LYPLAL1: variants seen among roughly 807,000 people sequenced by gnomAD.
The protein encoded by LYPLAL1 is lysophospholipase like 1.
LYPLAL1 carries 23 observed loss-of-function variants against 19.7 expected under a neutral mutation model. That is an observed-to-expected ratio of 1.17 (90% CI 0.84 to 1.65). The LOEUF is 1.65. Among genes scored for constraint, LYPLAL1 ranks in the 40% most tolerant of loss-of-function variants. LYPLAL1 has a pLI of 0.00. For synonymous variants in LYPLAL1, 119 were observed against 96.3 expected (o/e 1.24, Z -1.38); for missense variants, 355 against 279.4 (o/e 1.27, Z -1.93).
At chr1:219,390,815 A>G in the LYPLAL1 span, among the ~76,000 whole-genome samples, 1 of 152,084 alleles carries the variant, frequency 6.6e-6, no homozygotes, top group Non-Finnish European at 1.5e-5. Flanking sequence ...GTCTTTTGTT[A>G]TAGGGGTGGC....
the LYPLAL1 span, among the ~76,000 whole-genome samples, chr1:219,373,200 G>T: frequency 3.9e-5 from 6 of 152,204 alleles, no homozygotes; most frequent in African/African-American, 1.4e-4. Flanking sequence ...AGCAGGGGAT[G>T]TGCAGCATTT....
At chr1:219,284,888 T>C in the LYPLAL1 span, among the ~76,000 whole-genome samples, 1 of 152,204 alleles carries the variant, frequency 6.6e-6, no homozygotes, top group African/African-American at 2.4e-5. Context: ...GCAAATTGGA[T>C]TGAATCCTCT....
chr1:219,212,344 AG>A lies in LYPLAL1; in HGVS notation c.*618del, dbSNP rs1659107887. On this transcript the variant is annotated 3_prime_UTR_variant, in exon 5 of 5. Transcript: ENST00000366928. ...TTAACCCAAATTGCTGCTCTGTTTT[AG>A]GTCTCAATTTCATCTGTAAAATGAT... 6.6e-6 allele frequency: 1 copy of A among 152,058 alleles called. No individual in the cohort carries two copies. Among genetic ancestry groups the A allele is most frequent in the African/African-American group, 2.4e-5 (1 of 41,428 alleles). 9.4% of individuals were successfully genotyped at this position (152,058 alleles called of 1,614,324 possible).
At chr1:219,208,578 G>A (rs1039981458) in intron 3 of LYPLAL1, among the ~76,000 whole-genome samples, 1 of 151,944 alleles carries the variant, frequency 6.6e-6, no homozygotes, top group Non-Finnish European at 1.5e-5. Context: ...AGCGTGTAAA[G>A]TTGAAACTGA....
At chr1:219,241,807 G>A in the LYPLAL1 span, among the ~76,000 whole-genome samples, 5 of 152,190 alleles carry the variant, frequency 3.3e-5, no homozygotes, top group Non-Finnish European at 7.3e-5. Flanking sequence ...AGAGTTTGGA[G>A]ATTGATTTTT....
chr1:219,181,131 A>T (rs1419167157), intron 2 of LYPLAL1, among the ~76,000 whole-genome samples: 1 of 152,230 alleles, frequency 6.6e-6, no homozygotes, highest in East Asian at 1.9e-4. Context: ...TATTCAAAAT[A>T]TTCAACATGT....
chr1:219,272,264 T>TAGA, the LYPLAL1 span: 2 of 151,838 alleles, frequency 1.3e-5, no homozygotes, highest in African/African-American at 4.9e-5. Flanking sequence ...CCACAGAGAG[T>TAGA]AGAAGCCTTA....
the LYPLAL1 span, among the ~76,000 whole-genome samples, chr1:219,427,665 C>A: frequency 6.6e-6 from 1 of 152,178 alleles, no homozygotes; most frequent in African/African-American, 2.4e-5. Flanking sequence ...CCTCCAAGCT[C>A]TGCTTCATTC....
the LYPLAL1 span, among the ~76,000 whole-genome samples, chr1:219,292,562 T>G: frequency 6.6e-6 from 1 of 152,136 alleles, no homozygotes; most frequent in Admixed American, 6.5e-5. Context: ...AACCTAAAAC[T>G]AGGACTGAAA....
the LYPLAL1 span, among the ~76,000 whole-genome samples, chr1:219,372,823 G>A: frequency 6.6e-6 from 1 of 152,084 alleles, no homozygotes; most frequent in Non-Finnish European, 1.5e-5. Context: ...AGGATCACCT[G>A]AGCCTGGGAG....
At chr1:219,302,043 C>T in the LYPLAL1 span, among the ~76,000 whole-genome samples, 2 of 152,058 alleles carry the variant, frequency 1.3e-5, no homozygotes, top group African/African-American at 4.8e-5. Context: ...ACTTCTGGAA[C>T]AAGCAAAAAG....
chr1:219,239,266 A>C, the LYPLAL1 span, among the ~76,000 whole-genome samples: 2 of 152,240 alleles, frequency 1.3e-5, no homozygotes, highest in Non-Finnish European at 2.9e-5. Flanking sequence ...TATCTGAACA[A>C]AGCCCAGATG....
the LYPLAL1 span, among the ~76,000 whole-genome samples, chr1:219,405,145 G>A: frequency 1.3e-5 from 2 of 152,296 alleles, no homozygotes; most frequent in African/African-American, 4.8e-5. Flanking sequence ...AAGTGTCATT[G>A]TACACATTTT....
chr1:219,406,398 A>G, the LYPLAL1 span, among the ~76,000 whole-genome samples: 2 of 152,326 alleles, frequency 1.3e-5, no homozygotes, highest in Admixed American at 1.3e-4. Flanking sequence ...ACTGAAGTCA[A>G]AGAACCTCAC....
At chr1:219,355,422 G>C in the LYPLAL1 span, among the ~76,000 whole-genome samples, 1 of 151,992 alleles carries the variant, frequency 6.6e-6, no homozygotes, top group African/African-American at 2.4e-5. Flanking sequence ...AAGAGATAAA[G>C]TAAATAAACA....
chr1:219,291,369 G>A, the LYPLAL1 span, among the ~76,000 whole-genome samples: 1,151 of 152,200 alleles, frequency 7.6e-3, 4 homozygotes, highest in South Asian at 0.023. Context: ...TTGCTGTTTT[G>A]GATGGTTTGG....
At chr1:219,229,670 T>A in the LYPLAL1 span, among the ~76,000 whole-genome samples, 1 of 152,190 alleles carries the variant, frequency 6.6e-6, no homozygotes, top group Non-Finnish European at 1.5e-5. Context: ...GGGCTTCAGC[T>A]GTAAGTATTC....
the LYPLAL1 span, among the ~76,000 whole-genome samples, chr1:219,359,322 A>G: frequency 6.6e-6 from 1 of 152,174 alleles, no homozygotes; most frequent in African/African-American, 2.4e-5. Context: ...ATACAAAGCA[A>G]ACTGTGTTTT....
the LYPLAL1 span, among the ~76,000 whole-genome samples, chr1:219,444,843 G>A: frequency 1.3e-5 from 2 of 151,894 alleles, no homozygotes; most frequent in African/African-American, 4.8e-5. Flanking sequence ...CAACAAATAC[G>A]GTAGAAAATG....
Sources: allele counts gnomAD v4.1 joint callset (sites outside exome capture counted in the v4.1 genomes callset), GRCh38; gene constraint gnomAD v4.1.1; transcripts MANE v1.5; gene names NCBI Gene and HGNC (gene_info 2026-07-23, HGNC 2026-07-21).